GLMN: variants seen among roughly 807,000 people sequenced by gnomAD.
The protein encoded by GLMN is glomulin.
Under a neutral mutation model 87.8 loss-of-function variants are expected in GLMN, and 75 were observed. That is an observed-to-expected ratio of 0.85 (90% confidence interval 0.71 to 1.04). GLMN has a LOEUF of 1.04. Among genes scored for constraint, GLMN ranks in the 50% least tolerant of loss-of-function variants. The probability of loss-of-function intolerance (pLI) is 0.00; values close to 1 mark genes in which losing one functional copy is unlikely to be tolerated. For missense variants in GLMN, 588 were observed against 658.8 expected, an observed-to-expected ratio of 0.89 and a Z score of 1.18; for synonymous variants, 206 against 221.6, an observed-to-expected ratio of 0.93 and a Z score of 0.63.
At chr1:92,255,630 A>G (rs1322707193) in intron 16 of GLMN, among the ~76,000 whole-genome samples, 1 of 152,230 alleles carries the variant, frequency 6.6e-6, no homozygotes, top group African/African-American at 2.4e-5. Context: ...ACAGAACTAC[A>G]TGGAAACTGA....
chr1:92,323,632 A>G, the GLMN span: 1 of 1,614,112 alleles, frequency 6.2e-7, no homozygotes, highest in Non-Finnish European at 8.5e-7. Flanking sequence ...TTCAACAAAT[A>G]TTAGACCACA....
intron 16 of GLMN, among the ~76,000 whole-genome samples, chr1:92,254,490 A>G (rs1653971927): frequency 6.6e-6 from 1 of 152,238 alleles, no homozygotes; most frequent in Admixed American, 6.5e-5. Context: ...GTTGAAATGA[A>G]GGAAAAAATG....
chr1:92,308,524 AT>A, the GLMN span, among the ~76,000 whole-genome samples: 1 of 152,146 alleles, frequency 6.6e-6, no homozygotes, highest in Non-Finnish European at 1.5e-5. Context: ...TTCCAAAGAT[AT>A]TTTCTCTACA....
At chr1:92,324,287 C>T in the GLMN span, 2 of 1,613,944 alleles carry the variant, frequency 1.2e-6, no homozygotes, top group South Asian at 2.2e-5. Flanking sequence ...AAAAAAGAAA[C>T]TGAAAAGTTA....
the GLMN span, among the ~76,000 whole-genome samples, chr1:92,367,342 C>T: frequency 2.5e-4 from 38 of 152,306 alleles, no homozygotes; most frequent in African/African-American, 7.0e-4. Flanking sequence ...CTATCCCAGA[C>T]GGCTTTTGCG....
chr1:92,287,604 T>C (rs934491139), intron 6 of GLMN, among the ~76,000 whole-genome samples: 1 of 152,184 alleles, frequency 6.6e-6, no homozygotes, highest in Non-Finnish European at 1.5e-5. Flanking sequence ...CCTCCCAAAG[T>C]GTTAGGATTA....
At chr1:92,261,372 T>C (rs191254966) in intron 16 of GLMN, among the ~76,000 whole-genome samples, 6 of 152,298 alleles carry the variant, frequency 3.9e-5, no homozygotes, top group Non-Finnish European at 7.4e-5. Flanking sequence ...CCCCAGCACT[T>C]TGGGAGGCCG....
the GLMN span, among the ~76,000 whole-genome samples, chr1:92,365,892 C>T: frequency 6.6e-6 from 1 of 152,130 alleles, no homozygotes; most frequent in Non-Finnish European, 1.5e-5. Flanking sequence ...TCATCTTTTA[C>T]TGACTTACAT....
At chr1:92,305,677 A>G in the GLMN span, among the ~76,000 whole-genome samples, 11 of 152,230 alleles carry the variant, frequency 7.2e-5, no homozygotes, top group African/African-American at 2.6e-4. Context: ...AGACAGACAA[A>G]CTAATAGAAA....
At chr1:92,277,813 T>A (rs778910669) in intron 7 of GLMN, among the ~76,000 whole-genome samples, 23 of 152,170 alleles carry the variant, frequency 1.5e-4, no homozygotes, top group African/African-American at 5.3e-4. Context: ...ATATTCTTTA[T>A]AGTAAACCAC....
chr1:92,248,051 G>A (rs940295619), intron 16 of GLMN, 62 bp from the exon 17 acceptor site: 52 of 776,734 alleles, frequency 6.7e-5, no homozygotes, highest in Non-Finnish European at 8.8e-5. Context: ...ACTATTAAAC[G>A]CGATAAAAGC....
chr1:92,250,821 AAGTC>A (rs1176747400), intron 16 of GLMN, among the ~76,000 whole-genome samples: 1 of 152,116 alleles, frequency 6.6e-6, no homozygotes, highest in Non-Finnish European at 1.5e-5. Context: ...TTATTTTTCA[AAGTC>A]AGGTTTGTTG....
chr1:92,271,820 A>T (rs1256930563), intron 7 of GLMN, among the ~76,000 whole-genome samples, 168 bp from the exon 8 acceptor site: 1 of 152,036 alleles, frequency 6.6e-6, no homozygotes, highest in Non-Finnish European at 1.5e-5. Flanking sequence ...CCAAGATGTC[A>T]CTCCCATGAT....
chr1:92,259,245 A>G (rs1370851811), intron 16 of GLMN, among the ~76,000 whole-genome samples: 4 of 152,214 alleles, frequency 2.6e-5, no homozygotes, highest in Non-Finnish European at 4.4e-5. Context: ...ACAACTAATA[A>G]TTATTTAAAG....
the GLMN span, among the ~76,000 whole-genome samples, chr1:92,325,987 A>C: frequency 6.6e-6 from 1 of 152,252 alleles, no homozygotes. Context: ...CAATATTCTT[A>C]GGAACTTTCT....
At chr1:92,307,061 C>T in the GLMN span, 1 of 642,594 alleles carries the variant, frequency 1.6e-6, no homozygotes, top group Non-Finnish European at 2.6e-6. Context: ...TATTTCTTAC[C>T]TTGGGTGGTA....
chr1:92,324,030 G>A, the GLMN span: 1 of 1,613,816 alleles, frequency 6.2e-7, no homozygotes, highest in African/African-American at 1.3e-5. Context: ...TTAAAGTTTT[G>A]AAGGAGACTT....
At chr1:92,284,290 A>G (rs952638470) in intron 7 of GLMN, among the ~76,000 whole-genome samples, 1 of 152,214 alleles carries the variant, frequency 6.6e-6, no homozygotes, top group African/African-American at 2.4e-5. Flanking sequence ...CCAATGGAAC[A>G]GAACAGAGGC....
chr1:92,358,755 A>T, the GLMN span, among the ~76,000 whole-genome samples: 1 of 145,410 alleles, frequency 6.9e-6, no homozygotes, highest in African/African-American at 2.6e-5. Context: ...GCTCAGCTTT[A>T]AAAAAAAAAA....
Sources: gnomAD v4.1 joint callset for allele counts (sites outside exome capture counted in the v4.1 genomes callset) on GRCh38, gnomAD v4.1.1 for gene constraint, MANE v1.5 for transcripts, NCBI Gene and HGNC (gene_info 2026-07-23, HGNC 2026-07-21) for gene names.